GPNMB: variants seen among roughly 807,000 people sequenced by gnomAD.
GPNMB encodes the protein glycoprotein nmb.
GPNMB carries 71 observed loss-of-function variants against 57.3 expected under a neutral mutation model. The ratio of observed to expected loss-of-function variants is 1.24; its 90% CI spans 1.02 to 1.51. The LOEUF is 1.51. Ranked by LOEUF, GPNMB falls within the 40% of genes most tolerant of loss-of-function variation. The pLI, the probability that GPNMB is intolerant of heterozygous loss-of-function variation, is 0.00. For missense variants in GPNMB, 677 were observed against 691.9 expected (o/e 0.98, Z 0.24); for synonymous variants, 253 against 263.2 (o/e 0.96, Z 0.38).
intron 1 of GPNMB, among the ~76,000 whole-genome samples, chr7:23,251,375 T>C (rs1315800899): frequency 2.6e-5 from 4 of 152,328 alleles, no homozygotes; most frequent in Admixed American, 6.5e-5. Context: ...CAAGAGTCTA[T>C]AGCCAGGCCA....
At chr7:23,270,225 G>A (rs191991310) in intron 9 of GPNMB, 50 bp downstream of exon 9, 2 of 1,274,958 alleles carry the variant, frequency 1.6e-6, no homozygotes, top group East Asian at 2.3e-5. Flanking sequence ...CAAGTAAAGT[G>A]TGTATCCCAT....
At position 23,260,605 on chromosome 7, in the gene GPNMB, A is replaced by C. The variant is rs1782894812; in HGVS notation, c.850A>C (p.Ser284Arg). ...TTATTCTACCATTAACTACAAGTGG[A>C]GCTTCGGGGATAATACTGGCCTGTT... Reference protein sequence around the residue: ...LNYSTINYKWSFGDNTGLFVS... With the variant: ...LNYSTINYKWRFGDNTGLFVS... The change falls in exon 6 of 11, where the codon AGC becomes CGC. Residue 284 changes from serine to arginine, a missense_variant. By Grantham distance (110) the Ser-to-Arg change is moderately radical (BLOSUM62 -1). Coordinates refer to ENST00000258733, the MANE Select transcript of GPNMB (RefSeq NM_002510.3). 1 of 1,614,088 alleles carries C rather than the reference A, an allele frequency of 6.2e-7. No homozygotes were observed. Among genetic ancestry groups the C allele is most frequent in the African/African-American group, 1.3e-5 (1 of 75,030 alleles).
At chr7:23,260,423 A>G (rs765214747) in intron 5 of GPNMB, 33 bp from the exon 6 acceptor site, 18 of 1,513,148 alleles carry the variant, frequency 1.2e-5, no homozygotes, top group Non-Finnish European at 1.3e-5. Context: ...GCAATCATGC[A>G]TTCTTTATTT....
At chr7:23,269,022 A>G (rs1783135375) in intron 8 of GPNMB, among the ~76,000 whole-genome samples, 1 of 152,148 alleles carries the variant, frequency 6.6e-6, no homozygotes, top group Non-Finnish European at 1.5e-5. Context: ...TGCTTGTATG[A>G]CCTGGACTCG....
At chr7:23,261,378 A>G (rs1400256568) in intron 6 of GPNMB, among the ~76,000 whole-genome samples, 1 of 152,234 alleles carries the variant, frequency 6.6e-6, no homozygotes, top group Non-Finnish European at 1.5e-5. Context: ...CTTGGAATGA[A>G]CCCAAATGTC....
rs1583844241 is a variant in GPNMB at position 23,274,424 on chromosome 7, A to G, written c.*200A>G. On this transcript the variant is annotated 3_prime_UTR_variant, in exon 11 of 11. Transcript: ENST00000258733. ...CAGGCAGCTTCAGCCATGTTGTGAA[A>G]CTGATAAAAGCAACTTAGCAAGGCT... 4 of 480,200 alleles carry G rather than the reference A, an allele frequency of 8.3e-6. No individual in the cohort carries two copies. In the East Asian group the frequency reaches 1.4e-4, roughly 17 times the overall value. The allele number at this position is 480,200 out of a possible 1,614,324, so 29.7% of individuals were successfully genotyped here. A position where few individuals can be genotyped will look rare whatever the true frequency, so the allele number is the denominator to read the frequency against.
At chr7:23,266,484 C>G in intron 6 of GPNMB, 33 bp from the exon 7 acceptor site, 1 of 1,601,168 alleles carries the variant, frequency 6.2e-7, no homozygotes, top group Non-Finnish European at 8.5e-7. Flanking sequence ...TTCGTAGCAA[C>G]TACTCTAAAA....
rs1247849224 is a variant in GPNMB at position 23,270,136 on chromosome 7, C to G, written c.1390C>G (p.Leu464Val). The part of the protein sequence containing the change: ...VNLTLGDDTS[L>V]ALTSTLISVP... ...CCTCACCCTGGGGGATGACACAAGCCTGGCTCTCACGAGCACCCTGATTTC... is the reference window on the plus strand; with the variant it reads ...CCTCACCCTGGGGGATGACACAAGCGTGGCTCTCACGAGCACCCTGATTTC... The change falls in exon 9 of 11, where the codon CTG becomes GTG. Residue 464 changes from leucine to valine, a missense_variant. Leu to Val is a conservative substitution (Grantham distance 32, BLOSUM62 1). Transcript: ENST00000258733. 3.7e-6 allele frequency: 6 copies of G among 1,614,084 alleles called. No individual in the cohort carries two copies. In the Admixed American group the frequency reaches 5.0e-5, roughly 13 times the overall value.
chr7:23,253,226 A>T, intron 1 of GPNMB, 81 bp from the exon 2 acceptor site: 1 of 1,219,948 alleles, frequency 8.2e-7, no homozygotes, highest in Non-Finnish European at 1.2e-6. Flanking sequence ...GCTTTTCAAC[A>T]GTAAGAAATA....
chr7:23,273,278 C>T (rs1029037326), intron 9 of GPNMB: 6 of 461,458 alleles, frequency 1.3e-5, no homozygotes, highest in African/African-American at 6.0e-5. Flanking sequence ...CAGGTGTCTC[C>T]AGGACGTGAC....
chr7:23,266,338 T>G (rs1783059770), intron 6 of GPNMB, 179 bp from the exon 7 acceptor site: 3 of 611,658 alleles, frequency 4.9e-6, no homozygotes, highest in Non-Finnish European at 8.6e-6. Flanking sequence ...ACCTTATAGC[T>G]CTCACATCTG....
intron 4 of GPNMB, among the ~76,000 whole-genome samples, chr7:23,258,364 T>A (rs933272075): frequency 8.5e-5 from 13 of 152,358 alleles, no homozygotes; most frequent in African/African-American, 3.1e-4. Context: ...CTATGTCAAA[T>A]ATTATGCTCA....
At position 23,267,976 on chromosome 7, in the gene GPNMB, C is replaced by G; in HGVS notation, c.1208C>G (p.Thr403Ser). 6.2e-7 allele frequency: 1 copy of G among 1,607,700 alleles called. No individual in the cohort carries two copies. The change falls in exon 8 of 11, where the codon ACC (threonine) becomes AGC (serine). Residue 403 changes from threonine to serine, a missense_variant. By Grantham distance (58) the Thr-to-Ser change is moderately conservative. Transcript: ENST00000258733. The stretch of plus-strand genomic sequence containing the variant: ...AGCTCCCTAATAGACTTTGTCGTGA[C>G]CTGCCAAGGGAGGTGAGTATATTAT... ...PESSLIDFVV[T>S]CQGSIPTEVC...
chr7:23,265,350 CAT>C (rs1254532920), intron 6 of GPNMB, among the ~76,000 whole-genome samples: 1 of 152,218 alleles, frequency 6.6e-6, no homozygotes, highest in Admixed American at 6.5e-5. Context: ...GTCTACTTCA[CAT>C]GTCTTTTGAA....
chr7:23,270,661 C>G (rs1783182243), intron 9 of GPNMB, among the ~76,000 whole-genome samples: 1 of 152,220 alleles, frequency 6.6e-6, no homozygotes. Flanking sequence ...CATGCATCCT[C>G]TCTTTCCCTT....
intron 1 of GPNMB, among the ~76,000 whole-genome samples, chr7:23,249,463 A>C (rs57541772): frequency 0.057 from 8,704 of 151,938 alleles, 717 homozygotes; most frequent in African/African-American, 0.18. Context: ...CTCTTTCCAA[A>C]CCTCACCCAG....
At chr7:23,274,004 GA>G (rs1783276431) in intron 10 of GPNMB, 60 bp from the exon 11 acceptor site, 1 of 1,303,842 alleles carries the variant, frequency 7.7e-7, no homozygotes. Flanking sequence ...AAAGATTGTA[GA>G]AAGTTGTATA....
chr7:23,246,801 C>G lies in GPNMB; in HGVS notation c.-57C>G, dbSNP rs746783897. ...GAAGAACACTGTTGCTCTTGGTGGA[C>G]GGGCCCAGAGGAATTCAGAGTTAAA... On this transcript the variant is annotated 5_prime_UTR_variant, in exon 1 of 11. Coordinates refer to ENST00000258733, the MANE Select transcript of GPNMB (RefSeq NM_002510.3). 1.6e-6 allele frequency: 2 copies of G among 1,270,438 alleles called. No individual in the cohort carries two copies. The highest frequency in any genetic ancestry group is 1.2e-5 in the South Asian group (1 of 84,102). 78.7% of individuals were successfully genotyped at this position (1,270,438 alleles called of 1,614,324 possible).
At chr7:23,252,281 A>G (rs893712625) in intron 1 of GPNMB, among the ~76,000 whole-genome samples, 4 of 152,258 alleles carry the variant, frequency 2.6e-5, no homozygotes, top group African/African-American at 9.6e-5. Flanking sequence ...AAACCCTGCA[A>G]CTAAAAGGCA....
Sources: gnomAD v4.1 joint callset for allele counts (sites outside exome capture counted in the v4.1 genomes callset) on GRCh38, gnomAD v4.1.1 for gene constraint, MANE v1.5 for transcripts, NCBI Gene and HGNC (gene_info 2026-07-23, HGNC 2026-07-21) for gene names.